Variants in SUN2 observed in about 807,000 individuals in gnomAD.
The protein encoded by SUN2 is Sad1 and UNC84 domain containing 2.
SUN2 carries 60 observed loss-of-function variants against 100.0 expected under a neutral mutation model. The observed-to-expected ratio is 0.60, with a 90% CI of 0.49 to 0.74. The LOEUF is 0.74. Among genes scored for constraint, SUN2 ranks in the 30% least tolerant of loss-of-function variants. The probability of loss-of-function intolerance (pLI) is 0.00; values close to 1 mark genes in which losing one functional copy is unlikely to be tolerated. For synonymous variants in SUN2, 367 were observed against 403.3 expected (o/e 0.91, Z 1.08); for missense variants, 834 against 954.6 (o/e 0.87, Z 1.66).
chr22:38,754,603 TCCCCTCCCCCCTCC>T, intron 1 of SUN2: 2 of 889,140 alleles, frequency 2.2e-6, no homozygotes, highest in Non-Finnish European at 3.2e-6. Context: ...TAAGGTAATC[TCCCCTCCCCCCTCC>T]CTGCCCCGCC....
intron 7 of SUN2, among the ~76,000 whole-genome samples, chr22:38,747,204 C>T (rs1472642911): frequency 6.6e-6 from 1 of 151,730 alleles, no homozygotes; most frequent in Non-Finnish European, 1.5e-5. Context: ...TGGTGGCATG[C>T]ACCTGTAATC....
In SUN2 at chr22:38,738,431, C is replaced by A. The variant is rs900434688; in HGVS notation, c.1947+156G>T. The A allele has an allele frequency of 2.6e-6, 3 of 1,167,422 alleles. No individual in the cohort carries two copies. In the African/African-American group the frequency reaches 4.6e-5, roughly 18 times the overall value. 72.3% of individuals were successfully genotyped at this position (1,167,422 alleles called of 1,614,324 possible). On this transcript the variant is annotated intron_variant, in intron 16 of 17. Coordinates refer to ENST00000689035, the MANE Select transcript of SUN2 (RefSeq NM_015374.3). The surrounding 1 kb of genome is among the most constrained non-coding windows in gnomAD (Gnocchi z 6.6). ...TTTCTGCCTCCAAAGCCTAAGGTAA[C>A]AGGGACTGAAGTGCTGTCTCCCACC...
intron 5 of SUN2, 141 bp from the exon 6 acceptor site, chr22:38,750,000 C>T: frequency 9.4e-7 from 1 of 1,068,954 alleles, no homozygotes; most frequent in South Asian, 1.6e-5. Context: ...GACCCAGGTC[C>T]TTGGATCCCA....
Position 38,734,983 on chromosome 22 carries a change from C to T in SUN2, c.*1284G>A, listed in dbSNP as rs71319011. ...CCGCAGCCAGACCACCAGACACAGC[C>T]GGAACCAGTGCCCCAGGCCCCTCTC... On this transcript the variant is annotated 3_prime_UTR_variant, in exon 18 of 18. Transcript: ENST00000689035. 5.1e-5 allele frequency: 15 copies of T among 295,860 alleles called. No individual in the cohort carries two copies. The highest frequency in any genetic ancestry group is 2.0e-4 in the African/African-American group (9 of 44,852). 18.3% of individuals were successfully genotyped at this position (295,860 alleles called of 1,614,324 possible). A position where few individuals can be genotyped will look rare whatever the true frequency, so the allele number is the denominator to read the frequency against.
At chr22:38,754,728 G>C (rs1186972601) in intron 1 of SUN2, 1 of 1,288,670 alleles carries the variant, frequency 7.8e-7, no homozygotes, top group Non-Finnish European at 1.0e-6. Flanking sequence ...GCAGAAACAA[G>C]GCAACATGTT....
At chr22:38,748,527 C>A (rs1269550706) in intron 7 of SUN2, among the ~76,000 whole-genome samples, 186 bp downstream of exon 7, 1 of 152,142 alleles carries the variant, frequency 6.6e-6, no homozygotes. Context: ...CTGCCCAGGG[C>A]GGCACAAAAG....
At position 38,750,225 on chromosome 22, in the gene SUN2, C is replaced by G. The variant is rs1390604251; in HGVS notation, c.520G>C (p.Gly174Arg). The G allele has an allele frequency of 6.2e-7, 1 of 1,609,770 alleles. No individual in the cohort carries two copies. The highest frequency in any genetic ancestry group is 1.7e-5 in the Admixed American group (1 of 59,958). ...SLLWMVATSP[G>R]RLFRLLYWWA... The stretch of plus-strand genomic sequence containing the variant: ...TAACTGGGCACGGGTTGCAGCCCAC[C>G]TGGCGAAGTGGCCACCATCCAGAGT... Residue 174 changes from glycine to arginine, a missense_variant and splice_region_variant, in exon 5 of 18, where the codon GGC becomes CGC. Coordinates refer to ENST00000689035, the MANE Select transcript of SUN2 (RefSeq NM_015374.3).
chr22:38,754,566 G>T, intron 1 of SUN2: 1 of 1,105,656 alleles, frequency 9.0e-7, no homozygotes, highest in Non-Finnish European at 1.2e-6. Context: ...AAGTTGGCCT[G>T]GGTCCTTGTC....
Position 38,735,379 on chromosome 22 carries a change from G to A in SUN2, c.*888C>T. 2.7e-6 allele frequency: 1 copy of A among 375,310 alleles called. No individual in the cohort carries two copies. Among genetic ancestry groups the A allele is most frequent in the Non-Finnish European group, 5.2e-6 (1 of 191,098 alleles). The allele number at this position is 375,310 out of a possible 1,614,324, so 23.2% of individuals were successfully genotyped here. On this transcript the variant is annotated 3_prime_UTR_variant, in exon 18 of 18. Coordinates refer to ENST00000689035, the MANE Select transcript of SUN2 (RefSeq NM_015374.3). ...CCCTGAACGTCCCCACAAGAGCCCA[G>A]GAGTTCCATGCTCCCCACTCTTCTT...
intron 7 of SUN2, 31 bp from the exon 8 acceptor site, chr22:38,745,842 C>T (rs1183476119): frequency 2.1e-5 from 34 of 1,608,624 alleles, no homozygotes; most frequent in Non-Finnish European, 2.9e-5. Context: ...GTTACCCCAG[C>T]TGGGCCTCCA....
In SUN2 at chr22:38,740,279, G is replaced by T; in HGVS notation, c.1344C>A (p.Ala448=). The T allele has an allele frequency of 6.3e-7, 1 of 1,594,084 alleles. No individual in the cohort carries two copies. The highest frequency in any genetic ancestry group is 1.1e-5 in the South Asian group (1 of 88,700). ...GGTTCCCACTCACGTCGTCCCGCAC[G>T]GCCTGGATCTGCTGGGGCAGCAGGC... The part of the protein sequence containing the change: ...EVGLLPQQIQ[A]VRDDVESQFP... Residue 448 remains alanine (A), a synonymous_variant, in exon 12 of 18, where the codon GCC becomes GCA. Coordinates refer to ENST00000689035, the MANE Select transcript of SUN2 (RefSeq NM_015374.3). This position sits in a 1 kb window ranked among gnomAD's most constrained non-coding sequence, Gnocchi z 4.8.
chr22:38,740,127 C>A lies in SUN2; in HGVS notation c.1356+140G>T. On this transcript the variant is annotated intron_variant, in intron 12 of 17. Coordinates refer to ENST00000689035, the MANE Select transcript of SUN2 (RefSeq NM_015374.3). The surrounding 1 kb of genome is among the most constrained non-coding windows in gnomAD (Gnocchi z 4.8). ...AAGAACGCCTGTCAGTGAGAGCCCACATGTGTCAAGGCCAACGCCACAGTC... is the reference window on the plus strand; with the variant it reads ...AAGAACGCCTGTCAGTGAGAGCCCAAATGTGTCAAGGCCAACGCCACAGTC... 7.8e-7 allele frequency: 1 copy of A among 1,274,000 alleles called. No homozygotes were observed. Among genetic ancestry groups the A allele is most frequent in the Non-Finnish European group, 1.1e-6 (1 of 948,242 alleles). The allele number at this position is 1,274,000 out of a possible 1,614,324, so 78.9% of individuals were successfully genotyped here. A position where few individuals can be genotyped will look rare whatever the true frequency, so the allele number is the denominator to read the frequency against.
At position 38,738,056 on chromosome 22, in the gene SUN2, A is replaced by G. The variant is rs756705454; in HGVS notation, c.2040+117T>C. The G allele has an allele frequency of 3.3e-6, 3 of 905,564 alleles. No individual in the cohort carries two copies. Among genetic ancestry groups the G allele is most frequent in the Non-Finnish European group, 3.7e-6 (2 of 540,270 alleles). The allele number at this position is 905,564 out of a possible 1,614,324, so 56.1% of individuals were successfully genotyped here. On this transcript the variant is annotated intron_variant, in intron 17 of 17. Coordinates refer to ENST00000689035, the MANE Select transcript of SUN2 (RefSeq NM_015374.3). This position sits in a 1 kb window ranked among gnomAD's most constrained non-coding sequence, Gnocchi z 6.6. ...GATATCACATCTTGAGCTGTGGGAA[A>G]GGAGAGCAGGGCTTCCCTCTCTGAA...
rs2092865179 is a variant in SUN2, at chr22:38,742,314, G to A, written c.1055C>T (p.Ala352Val). The change falls in exon 9 of 18, where the codon GCT (alanine) becomes GTT (valine). Residue 352 changes from alanine (A) to valine (V), a missense_variant. Physicochemically the swap from Ala to Val is moderately conservative, Grantham distance 64. Transcript: ENST00000689035. Reference protein sequence around the residue: ...ALKEDFRRETAARIQEELSAL... With the variant: ...ALKEDFRRETVARIQEELSAL... ...TCCACCTCCTACCTGGATGCGAGCAGCAGTTTCCCTGCGGAAATCCTCCTT... is the reference window on the plus strand; with the variant it reads ...TCCACCTCCTACCTGGATGCGAGCAACAGTTTCCCTGCGGAAATCCTCCTT... 2 of 1,603,994 alleles carry A rather than the reference G, an allele frequency of 1.2e-6. No individual in the cohort carries two copies. The highest frequency in any genetic ancestry group is 1.7e-6 in the Non-Finnish European group (2 of 1,172,302).
chr22:38,742,165 AAAAG>A lies in SUN2; in HGVS notation c.1068+132_1068+135del, dbSNP rs956940888. On this transcript the variant is annotated intron_variant, in intron 9 of 17. Transcript: ENST00000689035. ...CTCAAAAAGAAAAAAAAAAAAGAAA[AAAAG>A]AGAAAGGGAGTAACTGCAAAATGGC... 1.0e-5 allele frequency: 12 copies of A among 1,179,788 alleles called. No individual in the cohort carries two copies. The South Asian group carries it at 1.2e-4, about 12-fold the overall frequency. The allele number at this position is 1,179,788 out of a possible 1,614,324, so 73.1% of individuals were successfully genotyped here.
intron 8 of SUN2, among the ~76,000 whole-genome samples, chr22:38,743,307 C>T (rs368053087): frequency 2.4e-4 from 36 of 152,312 alleles, no homozygotes; most frequent in African/African-American, 6.3e-4. Context: ...CACAAACAGG[C>T]GGGACGTGGT....
In SUN2 at chr22:38,740,685, C is replaced by T. The variant is rs2092848964; in HGVS notation, c.1191-253G>A. ...CAGAATGTACTCTGCCTCAGCCTCTCACATCCTCCACAAGCATGGACATCT... is the reference window on the plus strand; with the variant it reads ...CAGAATGTACTCTGCCTCAGCCTCTTACATCCTCCACAAGCATGGACATCT... On this transcript the variant is annotated intron_variant, in intron 11 of 17. Coordinates refer to ENST00000689035, the MANE Select transcript of SUN2 (RefSeq NM_015374.3). The surrounding 1 kb of genome is among the most constrained non-coding windows in gnomAD (Gnocchi z 4.8). 1 of 573,578 alleles carries T rather than the reference C, an allele frequency of 1.7e-6. No individual in the cohort carries two copies. Among genetic ancestry groups the T allele is most frequent in the South Asian group, 2.3e-5 (1 of 43,672 alleles). 35.5% of individuals were successfully genotyped at this position (573,578 alleles called of 1,614,324 possible).
In SUN2 at chr22:38,740,127, CAT is replaced by C. The variant is rs934720853; in HGVS notation, c.1356+138_1356+139del. The C allele has an allele frequency of 3.0e-5, 38 of 1,273,880 alleles. No individual in the cohort carries two copies. The African/African-American group carries it at 4.2e-4, about 14-fold the overall frequency. The allele number at this position is 1,273,880 out of a possible 1,614,324, so 78.9% of individuals were successfully genotyped here. A position where few individuals can be genotyped will look rare whatever the true frequency, so the allele number is the denominator to read the frequency against. ...AAGAACGCCTGTCAGTGAGAGCCCACATGTGTCAAGGCCAACGCCACAGTCTC... is the reference window on the plus strand; with the variant it reads ...AAGAACGCCTGTCAGTGAGAGCCCACGTGTCAAGGCCAACGCCACAGTCTC... On this transcript the variant is annotated intron_variant, in intron 12 of 17. Transcript: ENST00000689035. This position sits in a 1 kb window ranked among gnomAD's most constrained non-coding sequence, Gnocchi z 4.8.
rs768221118 is a variant in SUN2 at position 38,742,322 on chromosome 22, C to T, written c.1047G>A (p.Arg349=). The change falls in exon 9 of 18, where the codon AGG becomes AGA. Residue 349 remains arginine (R), a synonymous_variant. Transcript: ENST00000689035. ...REAALKEDFR[R]ETAARIQEEL... is the part of the protein sequence containing the mutation. ...CTACCTGGATGCGAGCAGCAGTTTC[C>T]CTGCGGAAATCCTCCTTCAGGGCAG... 1.5e-5 allele frequency: 24 copies of T among 1,604,894 alleles called. No individual in the cohort carries two copies. Among genetic ancestry groups the T allele is most frequent in the Non-Finnish European group, 2.0e-5 (23 of 1,172,986 alleles).
Sources: allele counts gnomAD v4.1 joint callset (sites outside exome capture counted in the v4.1 genomes callset), GRCh38; gene constraint gnomAD v4.1.1; non-coding constraint Gnocchi (gnomAD v3.1); transcripts MANE v1.5; gene names NCBI Gene and HGNC (gene_info 2026-07-23, HGNC 2026-07-21).